FBXO34: variants seen among roughly 807,000 people sequenced by gnomAD.
FBXO34 encodes the protein F-box protein 34.
A neutral mutation model predicts 24.5 loss-of-function variants in FBXO34; 12 were observed. The observed-to-expected ratio is 0.49, with a 90% CI of 0.31 to 0.79. The LOEUF (loss-of-function observed/expected upper bound fraction) is 0.79. FBXO34 is among the 30% of genes least tolerant of loss of function. The pLI, the probability that FBXO34 is intolerant of heterozygous loss-of-function variation, is 0.04. For missense variants in FBXO34, 823 were observed against 857.7 expected (o/e 0.96, Z 0.51); for synonymous variants, 320 against 311.9 (o/e 1.03, Z -0.27).
the FBXO34 span, among the ~76,000 whole-genome samples, chr14:55,379,316 GCTTGAGCCCAGGAGTTC>G: frequency 3.8e-4 from 58 of 152,004 alleles, 3 homozygotes; most frequent in East Asian, 7.4e-3. Flanking sequence ...AGGGCGGATC[GCTTGAGCCCAGGAGTTC>G]AAGACCAGCC....
At chr14:55,320,921 CAT>C (rs1477784243) in intron 1 of FBXO34, among the ~76,000 whole-genome samples, 3 of 152,106 alleles carry the variant, frequency 2.0e-5, no homozygotes, top group Admixed American at 2.0e-4. Context: ...TGGATTAAAT[CAT>C]AATTAAAAAT....
At chr14:55,436,544 C>G in the FBXO34 span, 1 of 1,607,180 alleles carries the variant, frequency 6.2e-7, no homozygotes, top group Admixed American at 1.7e-5. Context: ...TCAATTAAAA[C>G]AAAAATAAAA....
chr14:55,395,797 T>C, the FBXO34 span: 1 of 470,382 alleles, frequency 2.1e-6, no homozygotes, highest in Non-Finnish European at 3.6e-6. Flanking sequence ...AGATGAAATA[T>C]TTGAGAAAGC....
In FBXO34 at chr14:55,351,155, A is replaced by G. The variant is rs756671714; in HGVS notation, c.765A>G (p.Pro255=). ...VPAVSESYSA[P]GACEEPTERG... is the part of the protein sequence containing the mutation. ...CAGTGTCTGAGTCCTATTCTGCCCC[A>G]GGAGCTTGTGAAGAACCCACAGAAA... The change falls in exon 2 of 2, where the codon CCA becomes CCG. Residue 255 remains proline (P), a synonymous_variant. Coordinates refer to ENST00000313833, the MANE Select transcript of FBXO34 (RefSeq NM_017943.4). 1.2e-6 allele frequency: 2 copies of G among 1,614,098 alleles called. No homozygotes were observed. Among genetic ancestry groups the G allele is most frequent in the African/African-American group, 2.7e-5 (2 of 74,934 alleles).
chr14:55,442,895 T>G, the FBXO34 span, among the ~76,000 whole-genome samples: 2 of 152,164 alleles, frequency 1.3e-5, no homozygotes, highest in Non-Finnish European at 2.9e-5. Flanking sequence ...ACCAGGGATG[T>G]TCACACAGAG....
At chr14:55,276,062 T>C (rs1881332306) in intron 1 of FBXO34, among the ~76,000 whole-genome samples, 3 of 152,194 alleles carry the variant, frequency 2.0e-5, no homozygotes, top group Admixed American at 2.0e-4. Context: ...AGGCCAGAAC[T>C]AGTCTATCTA....
At chr14:55,402,926 AATATATATAT>A in the FBXO34 span, among the ~76,000 whole-genome samples, 255 of 16,388 alleles carry the variant, frequency 0.016, 3 homozygotes, top group Middle Eastern at 0.045. Flanking sequence ...AAAAAAAAAA[AATATATATAT>A]ATATATATAT....
At chr14:55,386,627 G>A in the FBXO34 span, among the ~76,000 whole-genome samples, 3 of 152,310 alleles carry the variant, frequency 2.0e-5, no homozygotes, top group African/African-American at 7.2e-5. Flanking sequence ...AACCAGCAGG[G>A]TGGGTGGGAA....
At chr14:55,301,814 A>G (rs971726243) in intron 1 of FBXO34, among the ~76,000 whole-genome samples, 5 of 152,232 alleles carry the variant, frequency 3.3e-5, no homozygotes, top group African/African-American at 1.2e-4. Context: ...TGGTCAGGAC[A>G]GGTTATGGAA....
intron 1 of FBXO34, chr14:55,298,834 A>ACTAC: frequency 6.2e-7 from 1 of 1,612,838 alleles, no homozygotes; most frequent in East Asian, 2.2e-5. Context: ...AAGAGGTATG[A>ACTAC]GAAGCAGCTG....
At chr14:55,366,164 T>C (rs1884672888), downstream of FBXO34, among the ~76,000 whole-genome samples, 1 of 152,196 alleles carries the variant, frequency 6.6e-6, no homozygotes. Context: ...AACACGTCTT[T>C]AGGGAAAGTA....
chr14:55,426,261 C>T, the FBXO34 span, among the ~76,000 whole-genome samples: 1 of 143,506 alleles, frequency 7.0e-6, no homozygotes, highest in Non-Finnish European at 1.5e-5. Context: ...GAGCAAAACT[C>T]CATCTCAAAA....
chr14:55,280,289 C>T (rs185070017), intron 1 of FBXO34, among the ~76,000 whole-genome samples: 15 of 152,206 alleles, frequency 9.9e-5, no homozygotes, highest in African/African-American at 3.6e-4. Context: ...AGCCCTCTAT[C>T]TGTGGGTTTA....
Sources: allele counts gnomAD v4.1 joint callset (sites outside exome capture counted in the v4.1 genomes callset), GRCh38; gene constraint gnomAD v4.1.1; transcripts MANE v1.5; gene names NCBI Gene and HGNC (gene_info 2026-07-23, HGNC 2026-07-21).